The following FREM1 variants were observed in gnomAD, a reference collection of about 807,000 sequenced individuals.
FREM1 encodes FRAS1 related extracellular matrix 1, also known as FRAS1-related extracellular matrix protein 1.
In FREM1, 220 loss-of-function variants were observed where a neutral mutation model predicts 210.1. The observed-to-expected ratio is 1.05, with a 90% CI of 0.94 to 1.17. The LOEUF (loss-of-function observed/expected upper bound fraction) is 1.17. Among genes scored for constraint, FREM1 ranks in the 50% most tolerant of loss-of-function variants. The pLI, the probability that FREM1 is intolerant of heterozygous loss-of-function variation, is 0.00. For synonymous variants in FREM1, 1,189 were observed against 980.2 expected, an observed-to-expected ratio of 1.21 and a Z score of -3.98; for missense variants, 3,454 against 2,675.5, an observed-to-expected ratio of 1.29 and a Z score of -6.42.
chr9:14,882,659 T>C (rs538321468), intron 1 of FREM1, among the ~76,000 whole-genome samples: 2 of 151,444 alleles, frequency 1.3e-5, no homozygotes, highest in African/African-American at 2.4e-5. Flanking sequence ...GGTTTCACCA[T>C]GTTGGCCAGG....
Position 14,816,867 on chromosome 9 carries a change from G to T in FREM1, c.2551C>A (p.Gln851Lys). Residue 851 changes from glutamine to lysine, a missense_variant, in exon 15 of 37, where the codon CAA (glutamine) becomes AAA (lysine). Coordinates refer to ENST00000380880, the MANE Select transcript of FREM1 (RefSeq NM_001379081.2). The part of the protein sequence containing the change: ...GDLHTLKVRY[Q>K]HDGTEVLQDD... ...TGAAGAACTTCAGTTCCATCATGTT[G>T]ATACCTGTGGGGATAATATTTGTCA... 1 of 1,311,250 alleles carries T rather than the reference G, an allele frequency of 7.6e-7. No homozygotes were observed. Among genetic ancestry groups the T allele is most frequent in the Non-Finnish European group, 1.0e-6 (1 of 965,116 alleles). The allele number at this position is 1,311,250 out of a possible 1,614,324, so 81.2% of individuals were successfully genotyped here.
chr9:14,747,179 G>A, intron 33 of FREM1, 85 bp downstream of exon 33: 2 of 1,574,358 alleles, frequency 1.3e-6, no homozygotes, highest in Admixed American at 1.7e-5. Context: ...CCCAACCTTG[G>A]AGGCTATTTT....
rs547530361 is a variant in FREM1, at chr9:14,797,986, G to C, written c.3695-344C>G. ...AATTATAGAGTTATATCCCTACCTC[G>C]AGCCAATCATCAAAATGAATTCTTA... On this transcript the variant is annotated intron_variant, in intron 20 of 36. Coordinates refer to ENST00000380880, the MANE Select transcript of FREM1 (RefSeq NM_001379081.2). Among the ~76,000 whole-genome samples, 21 of 152,096 alleles carry C rather than the reference G, an allele frequency of 1.4e-4. No homozygotes were observed. In the East Asian group the frequency reaches 4.1e-3, roughly 29 times the overall value.
intron 4 of FREM1, among the ~76,000 whole-genome samples, chr9:14,858,369 TA>T (rs932873409): frequency 2.6e-5 from 4 of 151,590 alleles, no homozygotes; most frequent in East Asian, 1.9e-4. Flanking sequence ...ACTTTCAAAT[TA>T]AAAAAAAATT....
chr9:14,763,297 C>A (rs1163925301), intron 27 of FREM1, among the ~76,000 whole-genome samples: 1 of 152,170 alleles, frequency 6.6e-6, no homozygotes, highest in African/African-American at 2.4e-5. Flanking sequence ...CCTCCAGTCA[C>A]GACAGCCAAA....
chr9:14,872,605 C>A (rs1305939220), intron 1 of FREM1, among the ~76,000 whole-genome samples: 2 of 152,056 alleles, frequency 1.3e-5, no homozygotes, highest in East Asian at 3.9e-4. Context: ...ACAATCATGT[C>A]ATCTGCAAAC....
intron 21 of FREM1, among the ~76,000 whole-genome samples, chr9:14,793,351 ATAGT>A (rs773110657): frequency 4.1e-4 from 62 of 152,136 alleles, no homozygotes; most frequent in Non-Finnish European, 7.9e-4. Context: ...GAGTTAGGTG[ATAGT>A]TAGGTAATCT....
intron 30 of FREM1, among the ~76,000 whole-genome samples, chr9:14,748,869 A>T (rs1218208240): frequency 6.6e-6 from 1 of 152,188 alleles, no homozygotes; most frequent in Non-Finnish European, 1.5e-5. Context: ...TCATGAAATC[A>T]ATTTCATAAA....
At chr9:14,768,361 A>G (rs1846849590) in intron 27 of FREM1, among the ~76,000 whole-genome samples, 1 of 142,062 alleles carries the variant, frequency 7.0e-6, no homozygotes, top group South Asian at 2.2e-4. Context: ...ATTGGAAGAT[A>G]TTTGTCTGAC....
Position 14,848,730 on chromosome 9 carries a change from G to A in FREM1, c.1196C>T (p.Pro399Leu), listed in dbSNP as rs780394185. ...VYDFFFERSAPMTVHISIRTA... is the reference protein window; with the variant it reads ...VYDFFFERSALMTVHISIRTA... ...TCTGATGGAGATGTGGACTGTCATA[G>A]GTGCACTCCTTTCAAAGAAGAAGTC... The change falls in exon 7 of 37, where the codon CCT (proline) becomes CTT (leucine). Residue 399 changes from proline (P) to leucine (L), a missense_variant. Pro to Leu is a moderately conservative substitution (Grantham distance 98). Coordinates refer to ENST00000380880, the MANE Select transcript of FREM1 (RefSeq NM_001379081.2). The A allele has an allele frequency of 6.2e-7, 1 of 1,613,052 alleles. No individual in the cohort carries two copies. The highest frequency in any genetic ancestry group is 1.1e-5 in the South Asian group (1 of 91,032).
In FREM1 at chr9:14,784,483, T is replaced by C. The variant is rs1383561360; in HGVS notation, c.4329A>G (p.Glu1443=). The C allele has an allele frequency of 1.9e-6, 3 of 1,613,894 alleles. No homozygotes were observed. Among genetic ancestry groups the C allele is most frequent in the East Asian group, 4.5e-5 (2 of 44,858 alleles). ...ITSPPRYGQI[E]YVHYPGVPIT... ...TGGGAACTCCAGGATAGTGAACATA[T>C]TCGATCTGGCCATATCGCGGAGGGG... The change falls in exon 24 of 37, where the codon GAA becomes GAG. Residue 1443 remains glutamate (E), a synonymous_variant. Coordinates refer to ENST00000380880, the MANE Select transcript of FREM1 (RefSeq NM_001379081.2).
rs184191921 is a variant in FREM1 at position 14,874,910 on chromosome 9, T to G, written c.-267-5666A>C. Among the ~76,000 whole-genome samples, 391 of 152,300 alleles carry G rather than the reference T, an allele frequency of 2.6e-3. 4 individuals are homozygous for G. Among genetic ancestry groups the G allele is most frequent in the African/African-American group, 9.0e-3 (373 of 41,560 alleles). ...TTTGCTTGTCTGTAAAGTGTTTTAT[T>G]TCTCCTTCACTTATGATGCTTAGTT... On this transcript the variant is annotated intron_variant, in intron 1 of 36. Transcript: ENST00000380880.
chr9:14,837,772 C>T (rs1382727453), intron 10 of FREM1, among the ~76,000 whole-genome samples: 1 of 152,076 alleles, frequency 6.6e-6, no homozygotes, highest in Non-Finnish European at 1.5e-5. Flanking sequence ...AAAATGACTG[C>T]CATTGTGTTT....
Position 14,737,346 on chromosome 9 carries a change from G to T in FREM1, c.*50C>A. 7.1e-7 allele frequency: 1 copy of T among 1,406,756 alleles called. No individual in the cohort carries two copies. The highest frequency in any genetic ancestry group is 1.2e-5 in the South Asian group (1 of 80,966). 87.1% of individuals were successfully genotyped at this position (1,406,756 alleles called of 1,614,324 possible). The stretch of plus-strand genomic sequence containing the variant: ...ATGGAGCAATATTCACAGATCCTGT[G>T]AATAAATAGGTGACAAACTCCAGGT... On this transcript the variant is annotated 3_prime_UTR_variant, in exon 37 of 37. Coordinates refer to ENST00000380880, the MANE Select transcript of FREM1 (RefSeq NM_001379081.2).
At position 14,820,980 on chromosome 9, in the gene FREM1, G is replaced by A. The variant is rs546251385; in HGVS notation, c.2338-1538C>T. Reference sequence around the variant, plus strand: ...CAAGGAATATGCTTTGCTACATTAGGTGATTTTTTAAATATATATTTTAGG... The same window carrying A: ...CAAGGAATATGCTTTGCTACATTAGATGATTTTTTAAATATATATTTTAGG... On this transcript the variant is annotated intron_variant, in intron 13 of 36. Coordinates refer to ENST00000380880, the MANE Select transcript of FREM1 (RefSeq NM_001379081.2). 7.3e-4 allele frequency among the ~76,000 whole-genome samples: 111 copies of A among 152,190 alleles called. No homozygotes were observed. In the Middle Eastern group the frequency reaches 0.01, roughly 14 times the overall value.
intron 27 of FREM1, among the ~76,000 whole-genome samples, chr9:14,767,041 C>T (rs1164281748): frequency 1.3e-5 from 2 of 152,162 alleles, no homozygotes; most frequent in African/African-American, 2.4e-5. Flanking sequence ...ATACGTTACA[C>T]ATTTCTTTTG....
intron 26 of FREM1, among the ~76,000 whole-genome samples, chr9:14,770,083 T>G (rs1847253168): frequency 6.6e-6 from 1 of 152,026 alleles, no homozygotes; most frequent in Non-Finnish European, 1.5e-5. Context: ...AATATTTGCC[T>G]TAAAAAAATG....
At chr9:14,855,231 A>G (rs1250094036) in intron 5 of FREM1, among the ~76,000 whole-genome samples, 1 of 152,116 alleles carries the variant, frequency 6.6e-6, no homozygotes, top group Admixed American at 6.5e-5. Context: ...TAAAAGAGCT[A>G]GCCTTGAAAT....
chr9:14,870,064 C>A (rs1052256110), intron 1 of FREM1, among the ~76,000 whole-genome samples: 1 of 152,172 alleles, frequency 6.6e-6, no homozygotes, highest in African/African-American at 2.4e-5. Flanking sequence ...GTAAAATGCA[C>A]TGAAATATAT....
Sources: gnomAD v4.1 joint callset for allele counts (sites outside exome capture counted in the v4.1 genomes callset) on GRCh38, gnomAD v4.1.1 for gene constraint, MANE v1.5 for transcripts, NCBI Gene and HGNC (gene_info 2026-07-23, HGNC 2026-07-21) for gene names.